The following MYH9 variants were observed in gnomAD, a reference collection of about 807,000 sequenced individuals.
The protein encoded by MYH9 is myosin heavy chain 9.
A neutral mutation model predicts 241.9 loss-of-function variants in MYH9; 29 were observed. The ratio of observed to expected loss-of-function variants is 0.12; its 90% CI spans 0.09 to 0.16. The LOEUF is 0.16. MYH9 is among the 10% of genes least tolerant of loss of function. The probability of loss-of-function intolerance (pLI) is 1.00; values close to 1 mark genes in which losing one functional copy is unlikely to be tolerated. For missense variants in MYH9, 1,803 were observed against 2,595.5 expected, an observed-to-expected ratio of 0.69 and a Z score of 6.63; for synonymous variants, 1,047 against 1,062.6, an observed-to-expected ratio of 0.99 and a Z score of 0.29.
rs1464635752 is a variant in MYH9, at chr22:36,293,909, TG to T, written c.3838-47del. The T allele has an allele frequency of 6.4e-7, 1 of 1,554,932 alleles. No individual in the cohort carries two copies. Among genetic ancestry groups the T allele is most frequent in the East Asian group, 2.3e-5 (1 of 43,548 alleles). On this transcript the variant is annotated intron_variant, in intron 28 of 40. Transcript: ENST00000216181. The surrounding 1 kb of genome is among the most constrained non-coding windows in gnomAD (Gnocchi z 5.1). ...CAAAGGACCATGGACCCACCCCCAC[TG>T]CTCCTGCCCCACCTCATCTCCTTTA... is the stretch of plus-strand genomic sequence containing the variant.
intron 1 of MYH9, chr22:36,365,062 C>A (rs1041529498): frequency 7.0e-6 from 1 of 143,302 alleles, no homozygotes; most frequent in African/African-American, 2.6e-5. Context: ...ACTGTGATGA[C>A]AAAATAAGCT....
chr22:36,361,751 C>G lies in MYH9; in HGVS notation c.-19-12496G>C, dbSNP rs1335395550. On this transcript the variant is annotated intron_variant, in intron 1 of 40. Coordinates refer to ENST00000216181, the MANE Select transcript of MYH9 (RefSeq NM_002473.6). ...TATTCTAGGGATAATTGGGGAGGAG[C>G]AGAGGTGACATCAGATTTGTATTTT... Among the ~76,000 whole-genome samples, 5 of 152,186 alleles carry G rather than the reference C, an allele frequency of 3.3e-5. 1 individual carries two copies. Among genetic ancestry groups the G allele is most frequent in the African/African-American group, 1.2e-4 (5 of 41,508 alleles).
intron 12 of MYH9, among the ~76,000 whole-genome samples, chr22:36,315,501 C>T (rs1172685500): frequency 2.6e-5 from 4 of 152,108 alleles, no homozygotes; most frequent in African/African-American, 9.7e-5. Context: ...AAACAGGAAG[C>T]ACCTGCCCAG....
chr22:36,386,097 C>A (rs1235866757), intron 1 of MYH9, among the ~76,000 whole-genome samples: 5 of 152,212 alleles, frequency 3.3e-5, no homozygotes. Flanking sequence ...AGGCAGGGCC[C>A]CGGGGATTTC....
chr22:36,302,460 C>G (rs772226402), intron 20 of MYH9, 108 bp downstream of exon 20: 3 of 975,360 alleles, frequency 3.1e-6, no homozygotes, highest in South Asian at 1.3e-5. Context: ...CCAACCTGGG[C>G]GACATGGTGA....
Position 36,288,746 on chromosome 22 carries a change from T to C in MYH9, c.4751A>G (p.Lys1584Arg). Residue 1584 changes from lysine (K) to arginine (R), a missense_variant, in exon 33 of 41, where the codon AAG becomes AGG. By Grantham distance (26) the Lys-to-Arg change is conservative. This residue lies in a region of MYH9 where 876 missense variants were observed against 1,077.8 expected (regional missense o/e 0.81). Transcript: ENST00000216181. The surrounding 1 kb of genome is among the most constrained non-coding windows in gnomAD (Gnocchi z 4.8). The part of the protein sequence containing the change: ...QGRDEQSEEK[K>R]KQLVRQVREM... Reference sequence around the variant, plus strand: ...GCACACCTGTCTGACCAGCTGCTTCTTCTTCTCCTCGCTCTGCTCGTCCCG... The same window carrying C: ...GCACACCTGTCTGACCAGCTGCTTCCTCTTCTCCTCGCTCTGCTCGTCCCG... The C allele has an allele frequency of 6.2e-7, 1 of 1,605,268 alleles. No individual in the cohort carries two copies. The highest frequency in any genetic ancestry group is 8.5e-7 in the Non-Finnish European group (1 of 1,179,962).
intron 2 of MYH9, among the ~76,000 whole-genome samples, chr22:36,342,932 C>T (rs2017613302): frequency 6.6e-6 from 1 of 152,224 alleles, no homozygotes; most frequent in Admixed American, 6.5e-5. Context: ...TCTCCGAGCT[C>T]CTTCCAACCT....
chr22:36,379,063 T>C (rs1453332631), intron 1 of MYH9, among the ~76,000 whole-genome samples: 1 of 152,242 alleles, frequency 6.6e-6, no homozygotes, highest in Middle Eastern at 3.4e-3. Context: ...AGGGTTTTCA[T>C]TGTTGTTGCT....
chr22:36,318,219 C>T lies in MYH9; in HGVS notation c.1215G>A (p.Gln405=). The change falls in exon 11 of 41, where the codon CAG becomes CAA. Residue 405 remains glutamine, a synonymous_variant. Coordinates refer to ENST00000216181, the MANE Select transcript of MYH9 (RefSeq NM_002473.6). The stretch of plus-strand genomic sequence containing the variant: ...CCAGAGGACATACCTGCTCTTTAGT[C>T]TGCGCCTTCTGGACGTAATCCCGTC... ...KVGRDYVQKA[Q]TKEQADFAIE... 6.2e-7 allele frequency: 1 copy of T among 1,614,120 alleles called. No homozygotes were observed. The highest frequency in any genetic ancestry group is 8.5e-7 in the Non-Finnish European group (1 of 1,180,024).
intron 1 of MYH9, among the ~76,000 whole-genome samples, chr22:36,359,858 T>C (rs1373087989): frequency 6.6e-6 from 1 of 152,178 alleles, no homozygotes; most frequent in African/African-American, 2.4e-5. Context: ...ACCACAGCCA[T>C]GTGAGGTCCT....
chr22:36,352,483 G>C (rs1256601232), intron 1 of MYH9, among the ~76,000 whole-genome samples: 1 of 152,166 alleles, frequency 6.6e-6, no homozygotes, highest in African/African-American at 2.4e-5. Context: ...TGGCTTCTCG[G>C]CAGCCCATGG....
At chr22:36,327,613 C>T in intron 3 of MYH9, 125 bp from the exon 4 acceptor site, 1 of 1,140,376 alleles carries the variant, frequency 8.8e-7, no homozygotes, top group South Asian at 1.3e-5. Flanking sequence ...TTGTGGGGAT[C>T]TCGCAGTCTA....
chr22:36,387,518 CCG>C (rs1491317977), intron 1 of MYH9, among the ~76,000 whole-genome samples: 1 of 151,824 alleles, frequency 6.6e-6, no homozygotes, highest in African/African-American at 2.4e-5. Context: ...AGTCCTGAGA[CCG>C]CGCCGGGGGA....
chr22:36,383,513 C>A (rs984829299), intron 1 of MYH9, among the ~76,000 whole-genome samples: 2 of 152,150 alleles, frequency 1.3e-5, no homozygotes, highest in African/African-American at 2.4e-5. Context: ...AACCACAGTC[C>A]ACAACCACAA....
Position 36,306,095 on chromosome 22 carries a change from G to A in MYH9, c.2038-44C>T, listed in dbSNP as rs375507737. The A allele has an allele frequency of 1.2e-6, 2 of 1,609,958 alleles. No individual in the cohort carries two copies. The highest frequency in any genetic ancestry group is 2.7e-5 in the African/African-American group (2 of 74,938). On this transcript the variant is annotated intron_variant, in intron 16 of 40. Transcript: ENST00000216181. This position sits in a 1 kb window ranked among gnomAD's most constrained non-coding sequence, Gnocchi z 4.1. ...GCATGCGGTCTCACTTCCGTGCCTA[G>A]AACAGTCGGAGAATAGTCAGGGAAC...
At position 36,293,631 on chromosome 22, in the gene MYH9, A is replaced by T. The variant is rs1307238023; in HGVS notation, c.3942+128T>A. The T allele has an allele frequency of 3.0e-6, 4 of 1,332,594 alleles. No individual in the cohort carries two copies. The highest frequency in any genetic ancestry group is 4.2e-6 in the Non-Finnish European group (4 of 942,260). The allele number at this position is 1,332,594 out of a possible 1,614,324, so 82.5% of individuals were successfully genotyped here. ...TGGAGGGAGCTGGGAGGACGCAGAG[A>T]CCCACCCACAGGATGAAGCAGATGA... On this transcript the variant is annotated intron_variant, in intron 29 of 40. Transcript: ENST00000216181. The surrounding 1 kb of genome is among the most constrained non-coding windows in gnomAD (Gnocchi z 5.1).
intron 31 of MYH9, among the ~76,000 whole-genome samples, chr22:36,291,381 C>G (rs2016699989): frequency 6.6e-6 from 1 of 152,094 alleles, no homozygotes; most frequent in Non-Finnish European, 1.5e-5. Flanking sequence ...GACCTTACCC[C>G]CAACCCTGTG....
At chr22:36,284,330 C>G in intron 39 of MYH9, 65 bp from the exon 40 acceptor site, 1 of 1,604,840 alleles carries the variant, frequency 6.2e-7, no homozygotes, top group Non-Finnish European at 8.5e-7. Flanking sequence ...CCAGTCAGCC[C>G]CACTGCCCTG....
In MYH9 at chr22:36,320,229, C is replaced by T; in HGVS notation, c.1003G>A (p.Glu335Lys). The change falls in exon 9 of 41, where the codon GAG becomes AAG. Residue 335 changes from glutamate to lysine, a missense_variant. Physicochemically the swap from Glu to Lys is moderately conservative, Grantham distance 56 (BLOSUM62 1). Around this residue, in one of 11 missense-constraint regions of MYH9, gnomAD observed 222 missense variants for 359.9 expected, o/e 0.62. Coordinates refer to ENST00000216181, the MANE Select transcript of MYH9 (RefSeq NM_002473.6). The surrounding 1 kb of genome is among the most constrained non-coding windows in gnomAD (Gnocchi z 4.8). ...AMRIMGIPEE[E>K]QMGLLRVISG... ...AGGGCCAGCCCTGTACCCATTTGCT[C>T]CTCTTCTGGGATGCCCATAATCCTC... 1 of 1,614,200 alleles carries T rather than the reference C, an allele frequency of 6.2e-7. No homozygotes were observed. The highest frequency in any genetic ancestry group is 8.5e-7 in the Non-Finnish European group (1 of 1,180,032).
Sources: gnomAD v4.1 joint callset for allele counts (sites outside exome capture counted in the v4.1 genomes callset) on GRCh38, gnomAD v4.1.1 for gene constraint, gnomAD v4.1.1 regional missense constraint, Gnocchi (gnomAD v3.1) non-coding constraint, MANE v1.5 for transcripts, NCBI Gene and HGNC (gene_info 2026-07-23, HGNC 2026-07-21) for gene names.